The following FA2H variants were observed in gnomAD, a reference collection of about 807,000 sequenced individuals.
FA2H encodes the protein fatty acid alpha-hydroxylase.
In FA2H, 22 loss-of-function variants were observed where a neutral mutation model predicts 44.9. That is an observed-to-expected ratio of 0.49 (90% CI 0.35 to 0.70). The LOEUF (loss-of-function observed/expected upper bound fraction) is 0.70, where lower values mean the gene tolerates loss of function less well. FA2H is among the 30% of genes least tolerant of loss of function. The pLI is 0.01. For missense variants in FA2H, 501 were observed against 504.9 expected (o/e 0.99, Z 0.07); for synonymous variants, 243 against 213.2 (o/e 1.14, Z -1.22).
At chr16:74,758,613 T>C (rs1239978526) in intron 1 of FA2H, among the ~76,000 whole-genome samples, 1 of 152,044 alleles carries the variant, frequency 6.6e-6, no homozygotes, top group African/African-American at 2.4e-5. Context: ...TTAGAGAGTA[T>C]TAATTAATGT....
intron 1 of FA2H, among the ~76,000 whole-genome samples, chr16:74,757,963 G>C (rs1962639470): frequency 6.6e-6 from 1 of 152,096 alleles, no homozygotes; most frequent in Non-Finnish European, 1.5e-5. Context: ...AGGCTGCAGT[G>C]AGCTGAGATA....
chr16:74,741,804 A>ATGTGTG (rs1289445691), intron 1 of FA2H, among the ~76,000 whole-genome samples: 83 of 57,782 alleles, frequency 1.4e-3, no homozygotes, highest in East Asian at 2.3e-3. Flanking sequence ...ATATATATAT[A>ATGTGTG]TATATGTGTG....
At chr16:74,741,808 A>ATATATATATATATATGTGTG (rs1491185782) in intron 1 of FA2H, among the ~76,000 whole-genome samples, 64 of 48,344 alleles carry the variant, frequency 1.3e-3, no homozygotes, top group Non-Finnish European at 1.7e-3. Flanking sequence ...ATATATATAT[A>ATATATATATATATATGTGTG]TGTGTGTGTG....
intron 2 of FA2H, among the ~76,000 whole-genome samples, chr16:74,728,841 G>A (rs945872728): frequency 1.9e-4 from 26 of 139,166 alleles, no homozygotes; most frequent in Non-Finnish European, 3.0e-4. Context: ...GGAGTGCAGT[G>A]GCATGATCTC....
chr16:74,759,778 C>T lies in FA2H; in HGVS notation c.270+14708G>A, dbSNP rs117449913. ...CTGTCTGGCAGTGCAGCCAGGGCCTCGCCTGCCCTATTTCACCTGGACAGG... is the reference window on the plus strand; with the variant it reads ...CTGTCTGGCAGTGCAGCCAGGGCCTTGCCTGCCCTATTTCACCTGGACAGG... On this transcript the variant is annotated intron_variant, in intron 1 of 6. Transcript: ENST00000219368. 1.6e-3 allele frequency among the ~76,000 whole-genome samples: 241 copies of T among 152,302 alleles called. 1 individual carries two copies. The highest frequency in any genetic ancestry group is 0.014 in the East Asian group (74 of 5,176).
rs1220991353 is a variant in FA2H, at chr16:74,713,239, C to G, written c.*951G>C. On this transcript the variant is annotated 3_prime_UTR_variant, in exon 7 of 7. Coordinates refer to ENST00000219368, the MANE Select transcript of FA2H (RefSeq NM_024306.5). ...GTAGGATTAGAAAGGGCCGTCTGAC[C>G]AGCTCCTTGGTCTGGGACCAGACTA... 1 of 152,686 alleles carries G rather than the reference C, an allele frequency of 6.5e-6. No homozygotes were observed. Among genetic ancestry groups the G allele is most frequent in the East Asian group, 1.9e-4 (1 of 5,196 alleles). The allele number at this position is 152,686 out of a possible 1,614,324, so 9.5% of individuals were successfully genotyped here.
At chr16:74,731,043 G>C (rs2144622203) in intron 2 of FA2H, among the ~76,000 whole-genome samples, 1 of 151,992 alleles carries the variant, frequency 6.6e-6, no homozygotes, top group Non-Finnish European at 1.5e-5. Context: ...CAGGATCCCT[G>C]TTTTCCCATA....
At chr16:74,734,386 A>T (rs1247194766) in intron 2 of FA2H, among the ~76,000 whole-genome samples, 1 of 152,246 alleles carries the variant, frequency 6.6e-6, no homozygotes. Flanking sequence ...TGAGCAGCTC[A>T]TTGGGGTGGA....
intron 4 of FA2H, among the ~76,000 whole-genome samples, chr16:74,724,754 C>T (rs924319377): frequency 3.3e-5 from 5 of 152,134 alleles, no homozygotes; most frequent in East Asian, 1.9e-4. Flanking sequence ...AGCTCTCTGC[C>T]AAGGCCGTGT....
At chr16:74,725,990 G>T (rs778190695) in intron 4 of FA2H, 6 of 508,634 alleles carry the variant, frequency 1.2e-5, no homozygotes, top group African/African-American at 9.7e-5. Context: ...TATGCCACCC[G>T]ATGATTCCAT....
At chr16:74,742,425 C>T (rs895545068) in intron 1 of FA2H, among the ~76,000 whole-genome samples, 1 of 152,224 alleles carries the variant, frequency 6.6e-6, no homozygotes, top group Non-Finnish European at 1.5e-5. Flanking sequence ...AAAACTCCAA[C>T]AACCTAGATC....
At chr16:74,757,241 T>A (rs1390866872) in intron 1 of FA2H, among the ~76,000 whole-genome samples, 1 of 152,144 alleles carries the variant, frequency 6.6e-6, no homozygotes, top group African/African-American at 2.4e-5. Context: ...TTCAGAAACA[T>A]GGAAAGACTC....
chr16:74,733,818 C>T (rs1295189648), intron 2 of FA2H, among the ~76,000 whole-genome samples: 1 of 152,232 alleles, frequency 6.6e-6, no homozygotes, highest in Non-Finnish European at 1.5e-5. Flanking sequence ...CACTGAGCAG[C>T]TGCCCCGTCC....
In FA2H at chr16:74,740,112, A is replaced by G. The variant is rs1298958155; in HGVS notation, c.274T>C (p.Ser92Pro). 6.2e-7 allele frequency: 1 copy of G among 1,611,710 alleles called. No homozygotes were observed. Among genetic ancestry groups the G allele is most frequent in the Admixed American group, 1.7e-5 (1 of 60,000 alleles). ...AGGGCTACAGGCTCGTTCTCCATGG[A>G]GCCCTGGAAGGAGAAGATACAAGAG... is the stretch of plus-strand genomic sequence containing the variant. ...VGELRGEQQG[S>P]MENEPVALEE... The change falls in exon 2 of 7, where the codon TCC (serine) becomes CCC (proline). Residue 92 changes from serine (S) to proline (P), a missense_variant. Coordinates refer to ENST00000219368, the MANE Select transcript of FA2H (RefSeq NM_024306.5).
chr16:74,743,021 T>G (rs1962344396), intron 1 of FA2H, among the ~76,000 whole-genome samples: 1 of 152,160 alleles, frequency 6.6e-6, no homozygotes, highest in Non-Finnish European at 1.5e-5. Context: ...TTTTTAATTA[T>G]TTTCTTTTTA....
intron 1 of FA2H, among the ~76,000 whole-genome samples, chr16:74,767,901 G>A (rs568610050): frequency 5.3e-5 from 8 of 152,324 alleles, no homozygotes; most frequent in Non-Finnish European, 1.2e-4. Flanking sequence ...GGGAGGAAGG[G>A]TGATCAATGG....
intron 2 of FA2H, among the ~76,000 whole-genome samples, chr16:74,734,286 G>A (rs1962137809): frequency 2.0e-5 from 3 of 152,384 alleles, no homozygotes; most frequent in South Asian, 4.1e-4. Flanking sequence ...GGAACCCGAC[G>A]CTAGAGAGGC....
At chr16:74,756,451 G>A (rs1962614701) in intron 1 of FA2H, among the ~76,000 whole-genome samples, 1 of 152,104 alleles carries the variant, frequency 6.6e-6, no homozygotes, top group South Asian at 2.1e-4. Context: ...CCAGCCACAT[G>A]ACCTCAGGGC....
Position 74,716,394 on chromosome 16 carries a change from C to A in FA2H, c.992G>T (p.Ser331Ile). ...GSPHKGSYLY[S>I]LKAHHVKHHF... Reference sequence around the variant, plus strand: ...GTGCTTGACGTGGTGGGCCTTCAGGCTGTACAGGTAGGAGCCCTTGTGCGG... The same window carrying A: ...GTGCTTGACGTGGTGGGCCTTCAGGATGTACAGGTAGGAGCCCTTGTGCGG... Residue 331 changes from serine to isoleucine, a missense_variant, in exon 6 of 7, where the codon AGC becomes ATC. Physicochemically the swap from Ser to Ile is moderately radical, Grantham distance 142 (BLOSUM62 -2). Coordinates refer to ENST00000219368, the MANE Select transcript of FA2H (RefSeq NM_024306.5). 6.2e-7 allele frequency: 1 copy of A among 1,614,060 alleles called. No homozygotes were observed. Among genetic ancestry groups the A allele is most frequent in the Admixed American group, 1.7e-5 (1 of 59,990 alleles).
Sources: gnomAD v4.1 joint callset for allele counts (sites outside exome capture counted in the v4.1 genomes callset) on GRCh38, gnomAD v4.1.1 for gene constraint, MANE v1.5 for transcripts, NCBI Gene and HGNC (gene_info 2026-07-23, HGNC 2026-07-21) for gene names.